CLIP4: variants seen among roughly 807,000 people sequenced by gnomAD.
CLIP4 encodes CAP-Gly domain-containing linker protein 4.
CLIP4 carries 47 observed loss-of-function variants against 73.1 expected under a neutral mutation model. That is an observed-to-expected ratio of 0.64 (90% confidence interval 0.51 to 0.82). CLIP4 has a LOEUF of 0.82. CLIP4 is among the 40% of genes least tolerant of loss of function. CLIP4 has a pLI of 0.00. For missense variants in CLIP4, 874 were observed against 852.9 expected, an observed-to-expected ratio of 1.02 and a Z score of -0.31; for synonymous variants, 306 against 295.4, an observed-to-expected ratio of 1.04 and a Z score of -0.37.
At chr2:29,133,364 A>T (rs1665117382) in intron 4 of CLIP4, among the ~76,000 whole-genome samples, 1 of 152,212 alleles carries the variant, frequency 6.6e-6, no homozygotes, top group South Asian at 2.1e-4. Flanking sequence ...ATGGCTTCAT[A>T]GCATTCTATG....
chr2:29,151,189 A>G (rs1666539905), intron 8 of CLIP4, among the ~76,000 whole-genome samples: 1 of 152,008 alleles, frequency 6.6e-6, no homozygotes, highest in Non-Finnish European at 1.5e-5. Flanking sequence ...CTTGAAATGT[A>G]TTTTTTTCTT....
At chr2:29,131,109 C>A in intron 2 of CLIP4, 149 bp from the exon 3 acceptor site, 1 of 842,518 alleles carries the variant, frequency 1.2e-6, no homozygotes, top group Non-Finnish European at 1.8e-6. Flanking sequence ...AGCAAATGTT[C>A]ATAATATTTT....
Position 29,176,654 on chromosome 2 carries a change from C to T in CLIP4, c.1796+2209C>T, listed in dbSNP as rs150889935. ...AATGAGCTTGAGATTTTACCATGGT[C>T]GTCAGAGGGACCTGATAGGCATGAG... is the stretch of plus-strand genomic sequence containing the variant. On this transcript the variant is annotated intron_variant, in intron 15 of 15. Transcript: ENST00000320081. Among the ~76,000 whole-genome samples the T allele has an allele frequency of 5.6e-4, 86 of 152,292 alleles. No homozygotes were observed. In the East Asian group the frequency reaches 0.011, roughly 20 times the overall value.
chr2:29,171,329 AC>A (rs1419621774), intron 14 of CLIP4, among the ~76,000 whole-genome samples: 2 of 152,038 alleles, frequency 1.3e-5, no homozygotes, highest in African/African-American at 4.8e-5. Flanking sequence ...TTAGATTTAT[AC>A]CTATGTATTT....
At chr2:29,165,558 T>TA (rs1158627207) in intron 13 of CLIP4, among the ~76,000 whole-genome samples, 3 of 152,206 alleles carry the variant, frequency 2.0e-5, no homozygotes, top group Non-Finnish European at 2.9e-5. Context: ...CGTCAGGACA[T>TA]ACATCTTGTA....
chr2:29,181,829 T>C lies in CLIP4; in HGVS notation c.2054T>C (p.Val685Ala). Reference sequence around the variant, plus strand: ...TGTAAGCCGAACCATGGAGTCTTAGTTCGACCGAGCAGAGTGACCTATCGG... The same window carrying C: ...TGTAAGCCGAACCATGGAGTCTTAGCTCGACCGAGCAGAGTGACCTATCGG... ...FTCKPNHGVL[V>A]RPSRVTYRGI... The change falls in exon 16 of 16, where the codon GTT becomes GCT. Residue 685 changes from valine to alanine, a missense_variant. Coordinates refer to ENST00000320081, the MANE Select transcript of CLIP4 (RefSeq NM_024692.6). 1.2e-6 allele frequency: 2 copies of C among 1,614,210 alleles called. No individual in the cohort carries two copies. Among genetic ancestry groups the C allele is most frequent in the Non-Finnish European group, 8.5e-7 (1 of 1,180,020 alleles).
chr2:29,110,740 G>A (rs1273136929), upstream of CLIP4, among the ~76,000 whole-genome samples: 8 of 152,216 alleles, frequency 5.3e-5, no homozygotes, highest in Admixed American at 5.2e-4. Flanking sequence ...CTAGGCTGGA[G>A]TGCAGTGGCA....
chr2:29,170,515 A>G (rs913489150), intron 14 of CLIP4, among the ~76,000 whole-genome samples: 1 of 152,200 alleles, frequency 6.6e-6, no homozygotes, highest in African/African-American at 2.4e-5. Flanking sequence ...TGTATCAGAC[A>G]TGTGTTTTGC....
intron 1 of CLIP4, among the ~76,000 whole-genome samples, chr2:29,102,317 C>T (rs570838283): frequency 6.6e-5 from 10 of 152,270 alleles, no homozygotes; most frequent in South Asian, 2.1e-4. Flanking sequence ...TGCAGGGACA[C>T]GAGAAAGTTT....
At chr2:29,097,879 GAGAA>G (rs1313767582) in exon 1 of CLIP4, 1 of 152,224 alleles carries the variant, frequency 6.6e-6, no homozygotes, top group East Asian at 1.9e-4. Flanking sequence ...TACTCTTGGT[GAGAA>G]AGACCCATGA....
chr2:29,176,455 G>A (rs1668350613), intron 15 of CLIP4, among the ~76,000 whole-genome samples: 1 of 152,226 alleles, frequency 6.6e-6, no homozygotes, highest in Admixed American at 6.5e-5. Flanking sequence ...GAAGGCCTTG[G>A]AGGGCACGTT....
At position 29,110,091 on chromosome 2, in the gene CLIP4, A is replaced by G. The variant is rs183439631; in HGVS notation, c.-15-11283A>G. 1.3e-3 allele frequency among the ~76,000 whole-genome samples: 202 copies of G among 152,228 alleles called. 2 individuals are homozygous for G. Among genetic ancestry groups the G allele is most frequent in the Non-Finnish European group, 1.6e-3 (108 of 67,986 alleles). ...AAAAAAAGAATAAACATAGAATAGC[A>G]TGAAACTAAACTAGATCAACTGAAT... On this transcript the variant is annotated intron_variant, in intron 1 of 14. Transcript: ENST00000401605.
In CLIP4 at chr2:29,127,333, A is replaced by G. The variant is rs529758740; in HGVS notation, c.134-3925A>G. ...CCTGTTACAGGGGAAACAAACTTTC[A>G]TTGAACTTATGTAAATATTTATATT... is the stretch of plus-strand genomic sequence containing the variant. On this transcript the variant is annotated intron_variant, in intron 2 of 15. Transcript: ENST00000320081. 3.7e-3 allele frequency among the ~76,000 whole-genome samples: 564 copies of G among 152,196 alleles called. 7 individuals carry two copies. The highest frequency in any genetic ancestry group is 0.012 in the African/African-American group (518 of 41,536).
At position 29,133,719 on chromosome 2, in the gene CLIP4, G is replaced by A. The variant is rs975225198; in HGVS notation, c.432G>A (p.Leu144=). 1.6e-5 allele frequency: 26 copies of A among 1,613,790 alleles called. No individual in the cohort carries two copies. The highest frequency in any genetic ancestry group is 2.2e-5 in the Non-Finnish European group (26 of 1,179,874). Residue 144 remains leucine (L), a synonymous_variant, in exon 5 of 16, where the codon TTG becomes TTA. Transcript: ENST00000320081. ...QLIDLGADIS[L]RSRWTNMNAL... ...TTGACCTGGGAGCAGACATTAGTTT[G>A]CGGAGTCGCTGGACAAACATGAATG... is the stretch of plus-strand genomic sequence containing the variant.
chr2:29,125,734 A>G (rs1336593867), intron 2 of CLIP4, among the ~76,000 whole-genome samples: 1 of 152,094 alleles, frequency 6.6e-6, no homozygotes, highest in Non-Finnish European at 1.5e-5. Context: ...ATTGTCTAAC[A>G]TCCCGTGTCT....
At chr2:29,131,634 A>G (rs780603590) in intron 3 of CLIP4, 11 of 345,510 alleles carry the variant, frequency 3.2e-5, no homozygotes, top group Non-Finnish European at 4.6e-5. Context: ...AGGGAGGGGC[A>G]TTTTTCATAT....
chr2:29,137,388 C>A (rs1665443671), intron 6 of CLIP4, among the ~76,000 whole-genome samples: 1 of 152,006 alleles, frequency 6.6e-6, no homozygotes, highest in Admixed American at 6.6e-5. Flanking sequence ...TGTAGTATGC[C>A]CTATATGTAC....
intron 13 of CLIP4, among the ~76,000 whole-genome samples, chr2:29,164,222 G>A (rs927066632): frequency 6.6e-6 from 1 of 152,198 alleles, no homozygotes; most frequent in Non-Finnish European, 1.5e-5. Flanking sequence ...TTGCAGCTAA[G>A]TACAGTGAGA....
intron 12 of CLIP4, 103 bp downstream of exon 12, chr2:29,160,570 A>C (rs528721076): frequency 1.5e-6 from 2 of 1,342,514 alleles, no homozygotes; most frequent in East Asian, 4.9e-5. Context: ...CTTGATGAAC[A>C]GTTTTTGTGG....
Sources: allele counts gnomAD v4.1 joint callset (sites outside exome capture counted in the v4.1 genomes callset), GRCh38; gene constraint gnomAD v4.1.1; transcripts MANE v1.5; gene names NCBI Gene and HGNC (gene_info 2026-07-23, HGNC 2026-07-21).